The following DENND5B variants were observed in gnomAD, a reference collection of about 807,000 sequenced individuals.
DENND5B encodes DENN domain-containing protein 5B.
Under a neutral mutation model 140.6 loss-of-function variants are expected in DENND5B, and 34 were observed. The observed-to-expected ratio is 0.24, with a 90% CI of 0.18 to 0.32. DENND5B has a LOEUF of 0.32. DENND5B is among the 10% of genes least tolerant of loss of function. DENND5B has a pLI of 1.00. For synonymous variants in DENND5B, 551 were observed against 562.1 expected (o/e 0.98, Z 0.28); for missense variants, 1,142 against 1,560.2 (o/e 0.73, Z 4.52).
At chr12:31,426,528 C>A in intron 8 of DENND5B, 104 bp from the exon 9 acceptor site, 1 of 1,340,784 alleles carries the variant, frequency 7.5e-7, no homozygotes, top group Non-Finnish European at 1.0e-6. Context: ...GCAAAAAAGT[C>A]CGTAAGTGTA....
intron 1 of DENND5B, among the ~76,000 whole-genome samples, chr12:31,515,889 T>C (rs533957189): frequency 2.0e-5 from 3 of 152,196 alleles, no homozygotes; most frequent in African/African-American, 7.2e-5. Flanking sequence ...TCAGCATTTA[T>C]AGAAGAAATT....
At chr12:31,414,333 G>C (rs1684233442) in intron 12 of DENND5B, among the ~76,000 whole-genome samples, 1 of 152,134 alleles carries the variant, frequency 6.6e-6, no homozygotes, top group Non-Finnish European at 1.5e-5. Flanking sequence ...TAGATATCTT[G>C]AAGTCTTCTA....
At chr12:31,432,032 AAAG>A in intron 8 of DENND5B, 1 of 984,336 alleles carries the variant, frequency 1.0e-6, no homozygotes, top group Non-Finnish European at 1.2e-6. Context: ...ACTTTCAAGC[AAAG>A]AACATACCAG....
chr12:31,470,652 GAC>G (rs2138408577), intron 3 of DENND5B, among the ~76,000 whole-genome samples: 1 of 152,372 alleles, frequency 6.6e-6, no homozygotes, highest in East Asian at 1.9e-4. Context: ...CAGAAGTGAG[GAC>G]AGTCTTGTGA....
intron 1 of DENND5B, among the ~76,000 whole-genome samples, chr12:31,582,030 A>G (rs897252000): frequency 7.9e-5 from 12 of 152,342 alleles, no homozygotes; most frequent in African/African-American, 2.9e-4. Context: ...AAAAACACGT[A>G]CATGCAACCA....
intron 7 of DENND5B, among the ~76,000 whole-genome samples, chr12:31,436,424 A>G (rs1285509229): frequency 6.6e-6 from 1 of 151,772 alleles, no homozygotes; most frequent in Non-Finnish European, 1.5e-5. Context: ...TGATGAAGCC[A>G]CTGAAACCCC....
intron 1 of DENND5B, among the ~76,000 whole-genome samples, chr12:31,511,238 C>CAA (rs200820902): frequency 6.7e-6 from 1 of 149,060 alleles, no homozygotes; most frequent in Admixed American, 6.7e-5. Flanking sequence ...GACCCTGTCT[C>CAA]AAAAAAAAAC....
chr12:31,478,019 T>A (rs1945896917), intron 3 of DENND5B: 1 of 165,866 alleles, frequency 6.0e-6, no homozygotes, highest in African/African-American at 2.4e-5. Context: ...AAAAATGGAT[T>A]TTTTTTTTAT....
intron 1 of DENND5B, among the ~76,000 whole-genome samples, chr12:31,555,051 C>T (rs1293034611): frequency 2.0e-5 from 3 of 152,112 alleles, no homozygotes; most frequent in Non-Finnish European, 4.4e-5. Flanking sequence ...GCCTTCTTCT[C>T]TCAACTCGTC....
intron 1 of DENND5B, chr12:31,540,799 T>A (rs73297871): frequency 0.15 from 23,682 of 159,546 alleles, 1,974 homozygotes; most frequent in East Asian, 0.25. Flanking sequence ...TGACTTCAAA[T>A]TATACTACAG....
At chr12:31,389,932 C>A (rs1014554399) in intron 19 of DENND5B, among the ~76,000 whole-genome samples, 2 of 151,498 alleles carry the variant, frequency 1.3e-5, no homozygotes, top group African/African-American at 4.9e-5. Flanking sequence ...GAATAAGTAC[C>A]TGACAAAGAG....
At chr12:31,487,433 C>T (rs1395289745) in intron 2 of DENND5B, among the ~76,000 whole-genome samples, 6 of 152,170 alleles carry the variant, frequency 3.9e-5, no homozygotes, top group Admixed American at 1.3e-4. Flanking sequence ...TGTAGTGGCT[C>T]ACACCCATAA....
chr12:31,398,241 G>A lies in DENND5B; in HGVS notation c.3190C>T (p.Pro1064Ser), dbSNP rs1490193973. The A allele has an allele frequency of 3.1e-6, 5 of 1,602,684 alleles. No homozygotes were observed. Among genetic ancestry groups the A allele is most frequent in the Non-Finnish European group, 4.3e-6 (5 of 1,174,632 alleles). The change falls in exon 17 of 21, where the codon CCC becomes TCC. Residue 1064 changes from proline to serine, a missense_variant. Around this residue, in one of 5 missense-constraint regions of DENND5B, gnomAD observed 268 missense variants for 349.2 expected, o/e 0.77. Coordinates refer to ENST00000389082, the MANE Select transcript of DENND5B (RefSeq NM_144973.4). The stretch of plus-strand genomic sequence containing the variant: ...GCCGTGGTGGGTGACTTCTGCTGGG[G>A]TGGAGTCCGACACTGCTTTACTAGA... ...EDLVKQCRTP[P>S]QQKSPTTARR...
chr12:31,388,716 C>T (rs1283352687), intron 20 of DENND5B, among the ~76,000 whole-genome samples: 4 of 152,074 alleles, frequency 2.6e-5, no homozygotes, highest in African/African-American at 9.7e-5. Context: ...TGGATTGTAT[C>T]GCTCCTATGT....
chr12:31,567,460 G>A (rs756428522), intron 1 of DENND5B, among the ~76,000 whole-genome samples: 5 of 148,928 alleles, frequency 3.4e-5, no homozygotes, highest in Admixed American at 2.0e-4. Context: ...AGCCTCCTCA[G>A]AGGTTGCAGT....
chr12:31,557,593 G>C (rs1378974024), intron 1 of DENND5B, among the ~76,000 whole-genome samples: 1 of 151,988 alleles, frequency 6.6e-6, no homozygotes, highest in South Asian at 2.1e-4. Flanking sequence ...TGTCACCCAG[G>C]CTGATCTCGA....
At chr12:31,512,521 T>G (rs1044981538) in intron 1 of DENND5B, among the ~76,000 whole-genome samples, 3 of 152,040 alleles carry the variant, frequency 2.0e-5, no homozygotes, top group African/African-American at 7.2e-5. Flanking sequence ...CATGAGCCAC[T>G]GCACTCAGCC....
chr12:31,423,319 G>A (rs1260627756), intron 11 of DENND5B, among the ~76,000 whole-genome samples: 1 of 152,038 alleles, frequency 6.6e-6, no homozygotes, highest in Non-Finnish European at 1.5e-5. Flanking sequence ...AATTCATTGG[G>A]GGTTTTCACA....
chr12:31,506,586 A>G (rs889549525), intron 1 of DENND5B, among the ~76,000 whole-genome samples: 1 of 152,124 alleles, frequency 6.6e-6, no homozygotes, highest in South Asian at 2.1e-4. Flanking sequence ...TATTTCAGAC[A>G]CCAGCCACAC....
Sources: allele counts gnomAD v4.1 joint callset (sites outside exome capture counted in the v4.1 genomes callset), GRCh38; gene constraint gnomAD v4.1.1; regional missense constraint gnomAD v4.1.1; transcripts MANE v1.5; gene names NCBI Gene and HGNC (gene_info 2026-07-23, HGNC 2026-07-21).